CRTAP: variants seen among roughly 807,000 people sequenced by gnomAD.
The protein encoded by CRTAP is cartilage associated protein.
In CRTAP, 33 loss-of-function variants were observed where a neutral mutation model predicts 42.7. That is an observed-to-expected ratio of 0.77 (90% CI 0.59 to 1.03). The LOEUF is 1.03. Among genes scored for constraint, CRTAP ranks in the 50% least tolerant of loss-of-function variants. The pLI is 0.00. For missense variants in CRTAP, 613 were observed against 533.9 expected (o/e 1.15, Z -1.46); for synonymous variants, 243 against 217.7 (o/e 1.12, Z -1.02).
intron 1 of CRTAP, among the ~76,000 whole-genome samples, chr3:33,116,987 G>A (rs1701349644): frequency 6.6e-6 from 1 of 152,088 alleles, no homozygotes; most frequent in South Asian, 2.1e-4. Flanking sequence ...TGCCTTTCTA[G>A]TTTCAGCTAC....
At position 33,124,401 on chromosome 3, in the gene CRTAP, C is replaced by T; in HGVS notation, c.622-7C>T. 2 of 1,613,970 alleles carry T rather than the reference C, an allele frequency of 1.2e-6. No individual in the cohort carries two copies. Among genetic ancestry groups the T allele is most frequent in the Non-Finnish European group, 8.5e-7 (1 of 1,180,034 alleles). On this transcript the variant is annotated splice_region_variant and splice_polypyrimidine_tract_variant and intron_variant, in intron 2 of 6. Transcript: ENST00000320954. ...GCGAGCTTCACTGGCTTCTCCATGC[C>T]TTTCAGAGCCTGTTCATCCGAGCAG... is the stretch of plus-strand genomic sequence containing the variant.
chr3:33,129,064 T>G (rs966496977), intron 3 of CRTAP, among the ~76,000 whole-genome samples: 2 of 152,252 alleles, frequency 1.3e-5, no homozygotes, highest in Non-Finnish European at 2.9e-5. Flanking sequence ...CCTCATCCTA[T>G]TGATTGGCAT....
In CRTAP at chr3:33,146,203, G is replaced by GA. The variant is rs1236440049; in HGVS notation, c.*3761dup. On this transcript the variant is annotated 3_prime_UTR_variant, in exon 7 of 7. Coordinates refer to ENST00000320954, the MANE Select transcript of CRTAP (RefSeq NM_006371.5). ...TCAGCCTCAAGTCTGGCCCGTCTTC[G>GA]AAAAAACAAACACATTTGTAAGCTT... is the stretch of plus-strand genomic sequence containing the variant. 1 of 152,144 alleles carries GA rather than the reference G, an allele frequency of 6.6e-6. No individual in the cohort carries two copies. Among genetic ancestry groups the GA allele is most frequent in the Admixed American group, 6.6e-5 (1 of 15,262 alleles). The allele number at this position is 152,144 out of a possible 1,614,324, so 9.4% of individuals were successfully genotyped here. A position where few individuals can be genotyped will look rare whatever the true frequency, so the allele number is the denominator to read the frequency against.
At chr3:33,116,791 T>C (rs72857441) in intron 1 of CRTAP, among the ~76,000 whole-genome samples, 7,870 of 152,222 alleles carry the variant, frequency 0.052, 667 homozygotes, top group African/African-American at 0.18. Context: ...GGTGGAGATA[T>C]TGTATGGTGT....
rs771525192 is a variant in CRTAP, at chr3:33,114,479, C to T, written c.402C>T (p.Pro134=). 1.6e-5 allele frequency: 25 copies of T among 1,601,786 alleles called. No individual in the cohort carries two copies. Among genetic ancestry groups the T allele is most frequent in the Admixed American group, 1.7e-5 (1 of 59,104 alleles). The change falls in exon 1 of 7, where the codon CCC becomes CCT. Residue 134 remains proline (P), a synonymous_variant. Transcript: ENST00000320954. ...QGLPAFRQSQ[P]SREVLADFQR... ...TGCCAGCCTTCCGCCAGTCCCAGCC[C>T]AGCCGCGAGGTGCTGGCGGACTTCC...
At position 33,120,388 on chromosome 3, in the gene CRTAP, A is replaced by G. The variant is rs372425538; in HGVS notation, c.516A>G (p.Leu172=). 67 of 1,614,022 alleles carry G rather than the reference A, an allele frequency of 4.2e-5. No homozygotes were observed. Among genetic ancestry groups the G allele is most frequent in the Non-Finnish European group, 5.6e-5 (66 of 1,180,002 alleles). The part of the protein sequence containing the change: ...PKAIAAAHTF[L]LKHPDDEMMK... ...CCATCGCCGCTGCTCACACCTTTCTACTGAAGCATCCTGATGACGAAATGA... is the reference window on the plus strand; with the variant it reads ...CCATCGCCGCTGCTCACACCTTTCTGCTGAAGCATCCTGATGACGAAATGA... Residue 172 remains leucine, a synonymous_variant, in exon 2 of 7, where the codon CTA becomes CTG. Transcript: ENST00000320954.
At chr3:33,122,785 T>C (rs1443166355) in intron 2 of CRTAP, among the ~76,000 whole-genome samples, 1 of 151,052 alleles carries the variant, frequency 6.6e-6, no homozygotes, top group Non-Finnish European at 1.5e-5. Context: ...GTGAAAATTC[T>C]AGGTCTAAGG....
At chr3:33,133,598 T>C (rs912726889) in intron 5 of CRTAP, among the ~76,000 whole-genome samples, 4 of 152,214 alleles carry the variant, frequency 2.6e-5, no homozygotes, top group Admixed American at 6.5e-5. Context: ...TTTACTCATA[T>C]ATATAGTAAA....
At chr3:33,131,878 GGA>G (rs926901232) in intron 4 of CRTAP, among the ~76,000 whole-genome samples, 1 of 152,028 alleles carries the variant, frequency 6.6e-6, no homozygotes, top group African/African-American at 2.4e-5. Context: ...AAATTAGAGT[GGA>G]ATGTGCCAGA....
intron 3 of CRTAP, among the ~76,000 whole-genome samples, chr3:33,125,747 C>T (rs1031647041): frequency 6.6e-6 from 1 of 152,006 alleles, no homozygotes; most frequent in African/African-American, 2.4e-5. Context: ...AAGGTAAGGA[C>T]TCTTTGTTTT....
At position 33,147,277 on chromosome 3, in the gene CRTAP, G is replaced by A. The variant is rs2125609515; in HGVS notation, c.*4829G>A. Reference sequence around the variant, plus strand: ...TGCCCATGACATCTCCCTGAAAGAGGACACCATGACAGCCCGGCTTTGCCT... The same window carrying A: ...TGCCCATGACATCTCCCTGAAAGAGAACACCATGACAGCCCGGCTTTGCCT... On this transcript the variant is annotated 3_prime_UTR_variant, in exon 7 of 7. Coordinates refer to ENST00000320954, the MANE Select transcript of CRTAP (RefSeq NM_006371.5). The A allele has an allele frequency of 6.5e-6, 1 of 152,892 alleles. No homozygotes were observed. Among genetic ancestry groups the A allele is most frequent in the East Asian group, 1.9e-4 (1 of 5,194 alleles). 9.5% of individuals were successfully genotyped at this position (152,892 alleles called of 1,614,324 possible). A position where few individuals can be genotyped will look rare whatever the true frequency, so the allele number is the denominator to read the frequency against.
At position 33,144,184 on chromosome 3, in the gene CRTAP, G is replaced by C. The variant is rs2030658863; in HGVS notation, c.*1736G>C. The C allele has an allele frequency of 6.6e-6, 1 of 152,224 alleles. No individual in the cohort carries two copies. 9.4% of individuals were successfully genotyped at this position (152,224 alleles called of 1,614,324 possible). On this transcript the variant is annotated 3_prime_UTR_variant, in exon 7 of 7. Coordinates refer to ENST00000320954, the MANE Select transcript of CRTAP (RefSeq NM_006371.5). ...GAAAAGAGCCAATAGGATTTGCTGA[G>C]AGTTTGAATGTGGAGTGTAAGAGAA...
At chr3:33,132,438 C>G (rs891575525) in intron 4 of CRTAP, 117 bp from the exon 5 acceptor site, 2 of 1,453,554 alleles carry the variant, frequency 1.4e-6, no homozygotes, top group Non-Finnish European at 1.9e-6. Context: ...GCCCCAGGCT[C>G]TCTGAAGAAG....
At chr3:33,136,621 G>A (rs560696626) in intron 6 of CRTAP, among the ~76,000 whole-genome samples, 1 of 152,252 alleles carries the variant, frequency 6.6e-6, no homozygotes, top group East Asian at 1.9e-4. Flanking sequence ...CACAGGAAGT[G>A]TGGCAATGGC....
chr3:33,130,279 T>G (rs1389633540), intron 4 of CRTAP, among the ~76,000 whole-genome samples: 2 of 152,240 alleles, frequency 1.3e-5, no homozygotes, highest in Non-Finnish European at 2.9e-5. Context: ...GCCTTATCAC[T>G]TACTAGCTTC....
Position 33,114,015 on chromosome 3 carries a change from C to T in CRTAP, c.-63C>T. ...CCGCCGCGTCGCACCGTCCTCTTTC[C>T]TTTCCTTCTCCCTCCCCTTTTCCCT... On this transcript the variant is annotated 5_prime_UTR_variant, in exon 1 of 7. Transcript: ENST00000320954. 7.7e-7 allele frequency: 1 copy of T among 1,302,396 alleles called. No individual in the cohort carries two copies. The highest frequency in any genetic ancestry group is 3.1e-5 in the East Asian group (1 of 32,238). 80.7% of individuals were successfully genotyped at this position (1,302,396 alleles called of 1,614,324 possible).
rs767057725 is a variant in CRTAP at position 33,124,596 on chromosome 3, T to A, written c.793+17T>A. On this transcript the variant is annotated intron_variant, in intron 3 of 6. Transcript: ENST00000320954. ...CCATAGCAGGTTGGTGGTAGGTCAA[T>A]AGGCTCACTACTCCCATGGAATAGT... 6.2e-6 allele frequency: 10 copies of A among 1,613,780 alleles called. No individual in the cohort carries two copies. The African/African-American group carries it at 6.7e-5, about 11-fold the overall frequency.
rs576995961 is a variant in CRTAP, at chr3:33,142,826, G to C, written c.*378G>C. On this transcript the variant is annotated 3_prime_UTR_variant, in exon 7 of 7. Coordinates refer to ENST00000320954, the MANE Select transcript of CRTAP (RefSeq NM_006371.5). ...TGTGCCACCACGCCCGGCTAATTTT[G>C]TATTTTTAGTAGAGACGGGGTTTTG... 1 of 239,086 alleles carries C rather than the reference G, an allele frequency of 4.2e-6. No homozygotes were observed. The highest frequency in any genetic ancestry group is 8.4e-6 in the Non-Finnish European group (1 of 119,482). 14.8% of individuals were successfully genotyped at this position (239,086 alleles called of 1,614,324 possible).
At chr3:33,123,359 A>G (rs994070111) in intron 2 of CRTAP, among the ~76,000 whole-genome samples, 3 of 152,174 alleles carry the variant, frequency 2.0e-5, no homozygotes, top group Admixed American at 2.0e-4. Context: ...TGGATCCTTT[A>G]TTAATGGTTT....
Sources: gnomAD v4.1 joint callset for allele counts (sites outside exome capture counted in the v4.1 genomes callset) on GRCh38, gnomAD v4.1.1 for gene constraint, MANE v1.5 for transcripts, NCBI Gene and HGNC (gene_info 2026-07-23, HGNC 2026-07-21) for gene names.